AS3MT: variants seen among roughly 807,000 people sequenced by gnomAD.
AS3MT encodes S-adenosyl-L-methionine:arsenic(III) methyltransferase.
AS3MT carries 47 observed loss-of-function variants against 45.3 expected under a neutral mutation model. The observed-to-expected ratio is 1.04, with a 90% CI of 0.82 to 1.32. The LOEUF (loss-of-function observed/expected upper bound fraction) is 1.32, where lower values mean the gene tolerates loss of function less well. AS3MT is among the 40% of genes most tolerant of loss of function. AS3MT has a pLI of 0.00. For missense variants in AS3MT, 396 were observed against 451.1 expected (o/e 0.88, Z 1.11); for synonymous variants, 141 against 152.8 (o/e 0.92, Z 0.57).
At chr10:102,871,269 G>C (rs186384279) in intron 3 of AS3MT, among the ~76,000 whole-genome samples, 1 of 151,004 alleles carries the variant, frequency 6.6e-6, no homozygotes, top group Non-Finnish European at 1.5e-5. Context: ...AAAAAAGGCC[G>C]GGGGTGGTGG....
intron 10 of AS3MT, among the ~76,000 whole-genome samples, chr10:102,895,684 TCCAC>T (rs907401324): frequency 6.6e-6 from 1 of 151,982 alleles, no homozygotes; most frequent in African/African-American, 2.4e-5. Context: ...CACCAGGTGA[TCCAC>T]CCACCTAGGT....
rs563943815 is a variant in AS3MT, at chr10:102,874,631, A to C, written c.498A>C (p.Gln166His). 448 of 1,610,550 alleles carry C rather than the reference A, an allele frequency of 2.8e-4. 7 individuals are homozygous for C. The South Asian group carries it at 4.8e-3, about 17-fold the overall frequency. ...CVINLVPDKQQVLQEAYRVLK... is the reference protein window; with the variant it reads ...CVINLVPDKQHVLQEAYRVLK... ...TTAACCTTGTGCCTGATAAACAACA[A>C]GTGCTTCAGGAGGCATATCGGGTGC... The change falls in exon 6 of 11, where the codon CAA (glutamine) becomes CAC (histidine). Residue 166 changes from glutamine to histidine, a missense_variant. By Grantham distance (24) the Gln-to-His change is conservative. Transcript: ENST00000369880.
intron 5 of AS3MT, among the ~76,000 whole-genome samples, chr10:102,874,316 T>C (rs1044851918): frequency 2.0e-5 from 3 of 152,056 alleles, no homozygotes; most frequent in Admixed American, 6.6e-5. Context: ...GGTTTCATCT[T>C]GTTACATGGT....
chr10:102,878,804 C>A (rs750275455), intron 8 of AS3MT, 45 bp from the exon 9 acceptor site: 5 of 1,593,896 alleles, frequency 3.1e-6, no homozygotes, highest in South Asian at 1.1e-5. Context: ...AAGGCAACAA[C>A]TGGGGGAGTG....
At chr10:102,874,571 A>C in intron 5 of AS3MT, 21 bp from the exon 6 acceptor site, 5 of 1,558,582 alleles carry the variant, frequency 3.2e-6, no homozygotes, top group Non-Finnish European at 4.4e-6. Flanking sequence ...TTTGCTCGAC[A>C]TTTCATCTGT....
At chr10:102,874,202 G>A (rs986255270) in intron 5 of AS3MT, among the ~76,000 whole-genome samples, 3 of 151,436 alleles carry the variant, frequency 2.0e-5, no homozygotes, top group African/African-American at 2.4e-5. Context: ...GCAATGAGCC[G>A]AGATTGCGCC....
Position 102,873,012 on chromosome 10 carries a change from T to C in AS3MT, c.322-85T>C, listed in dbSNP as rs10509761. ...TATCCAAAATAATCTAGGGGAAGTA[T>C]ATTCTGTTAGTGATAGGAAATTTTT... is the stretch of plus-strand genomic sequence containing the variant. On this transcript the variant is annotated intron_variant, in intron 4 of 10. Coordinates refer to ENST00000369880, the MANE Select transcript of AS3MT (RefSeq NM_020682.4). 7,608 of 1,130,116 alleles carry C rather than the reference T, an allele frequency of 6.7e-3. 348 individuals are homozygous for C. The African/African-American group carries it at 0.1, about 15-fold the overall frequency. 70.0% of individuals were successfully genotyped at this position (1,130,116 alleles called of 1,614,324 possible).
intron 7 of AS3MT, among the ~76,000 whole-genome samples, chr10:102,878,040 C>T (rs1844814755): frequency 1.3e-5 from 2 of 152,038 alleles, no homozygotes; most frequent in African/African-American, 4.8e-5. Flanking sequence ...CATGAGCCAC[C>T]GCGCTCGGCC....
chr10:102,887,646 T>G (rs1844979756), intron 9 of AS3MT, among the ~76,000 whole-genome samples: 1 of 152,196 alleles, frequency 6.6e-6, no homozygotes, highest in African/African-American at 2.4e-5. Context: ...TCTTTTTTGG[T>G]TTCCAGTTGC....
rs1280436728 is a variant in AS3MT, at chr10:102,874,598, CTG to C, written c.469_470del (p.Val157TyrfsTer2). 1.9e-6 allele frequency: 3 copies of C among 1,603,092 alleles called. No homozygotes were observed. Among genetic ancestry groups the C allele is most frequent in the African/African-American group, 2.7e-5 (2 of 74,482 alleles). On this transcript the variant is annotated frameshift_variant, in exon 6 of 11. Coordinates refer to ENST00000369880, the MANE Select transcript of AS3MT (RefSeq NM_020682.4). LOFTEE classifies it high-confidence loss of function. Reference protein sequence around the residue: ...NESHDIVVSNCVINLVPDKQQ... With the variant: ...NESHDIVVSNXVINLVPDKQQ... ...TTCATCTGTTCTCTTTTAGATCAAA[CTG>C]TGTTATTAACCTTGTGCCTGATAAA...
intron 2 of AS3MT, 59 bp downstream of exon 2, chr10:102,869,904 C>G: frequency 6.2e-7 from 1 of 1,604,606 alleles, no homozygotes; most frequent in South Asian, 1.1e-5. Context: ...GAAGTCTGGC[C>G]TGGCCCGCAC....
intron 10 of AS3MT, among the ~76,000 whole-genome samples, chr10:102,900,004 T>C (rs999134491): frequency 4.6e-5 from 7 of 152,174 alleles, no homozygotes; most frequent in African/African-American, 1.7e-4. Context: ...ACTTGGCTTT[T>C]CTCTGGCCCC....
chr10:102,900,526 A>T (rs1845253388), intron 10 of AS3MT, 67 bp from the exon 11 acceptor site: 1 of 1,122,968 alleles, frequency 8.9e-7, no homozygotes, highest in African/African-American at 1.5e-5. Context: ...TCAAACAGAA[A>T]TATTAGTGTT....
At chr10:102,873,810 T>C (rs1428567436) in intron 5 of AS3MT, among the ~76,000 whole-genome samples, 2 of 152,206 alleles carry the variant, frequency 1.3e-5, no homozygotes, top group African/African-American at 4.8e-5. Flanking sequence ...AGTTTGCTCC[T>C]ACAATACATG....
At chr10:102,887,862 CT>C in intron 9 of AS3MT, 1 of 152,782 alleles carries the variant, frequency 6.5e-6, no homozygotes. Context: ...TCCTCCTCTT[CT>C]TTTTCCAGGT....
intron 4 of AS3MT, among the ~76,000 whole-genome samples, chr10:102,872,890 G>A (rs1844717253): frequency 6.6e-6 from 1 of 152,114 alleles, no homozygotes; most frequent in Non-Finnish European, 1.5e-5. Context: ...TTTTGTTATT[G>A]AATGAGGAGT....
At chr10:102,885,083 T>C (rs1171283978) in intron 9 of AS3MT, among the ~76,000 whole-genome samples, 3 of 152,132 alleles carry the variant, frequency 2.0e-5, no homozygotes, top group Non-Finnish European at 4.4e-5. Flanking sequence ...ACACTAGGTC[T>C]TATTTCTTCT....
chr10:102,897,342 C>T (rs1347272292), intron 10 of AS3MT, among the ~76,000 whole-genome samples: 5 of 150,900 alleles, frequency 3.3e-5, no homozygotes, highest in Non-Finnish European at 1.5e-5. Flanking sequence ...AGAGATCATG[C>T]CACTGCACTC....
intron 10 of AS3MT, among the ~76,000 whole-genome samples, chr10:102,892,783 C>G (rs1369771661): frequency 6.6e-6 from 1 of 151,958 alleles, no homozygotes; most frequent in Non-Finnish European, 1.5e-5. Context: ...CAAGACCAGC[C>G]TGGGCAACAT....
Sources: gnomAD v4.1 joint callset for allele counts (sites outside exome capture counted in the v4.1 genomes callset) on GRCh38, gnomAD v4.1.1 for gene constraint, MANE v1.5 for transcripts, NCBI Gene and HGNC (gene_info 2026-07-23, HGNC 2026-07-21) for gene names.